HYCC2: variants seen among roughly 807,000 people sequenced by gnomAD.
HYCC2 encodes hyccin PI4KA lipid kinase complex subunit 2.
the HYCC2 span, among the ~76,000 whole-genome samples, chr2:201,040,764 C>A: frequency 6.6e-6 from 1 of 152,150 alleles, no homozygotes; most frequent in Non-Finnish European, 1.5e-5. Context: ...TGATTACAGG[C>A]GTGAGCCACT....
chr2:201,021,068 T>C, the HYCC2 span, among the ~76,000 whole-genome samples: 1 of 152,156 alleles, frequency 6.6e-6, no homozygotes, highest in African/African-American at 2.4e-5. Flanking sequence ...CGCCGGCAAC[T>C]ATTTTAAGTT....
the HYCC2 span, chr2:201,063,360 C>T: frequency 0.17 from 260,742 of 1,572,288 alleles, 24,543 homozygotes; most frequent in African/African-American, 0.38. Context: ...AGAGCTGTCT[C>T]GAGAGAAGAT....
the HYCC2 span, among the ~76,000 whole-genome samples, chr2:201,027,513 A>G: frequency 5.3e-5 from 8 of 152,194 alleles, no homozygotes; most frequent in African/African-American, 1.9e-4. Flanking sequence ...CACAACAAAA[A>G]AAGAGAATTT....
the HYCC2 span, among the ~76,000 whole-genome samples, chr2:201,062,377 G>A: frequency 9.0e-3 from 1,364 of 151,350 alleles, 18 homozygotes; most frequent in African/African-American, 0.025. Flanking sequence ...GGCCGGGCGC[G>A]GTGGCTCACA....
the HYCC2 span, among the ~76,000 whole-genome samples, chr2:201,018,768 C>A: frequency 6.6e-6 from 1 of 152,102 alleles, no homozygotes; most frequent in African/African-American, 2.4e-5. Context: ...GAGTTTGAGG[C>A]TGCATTGAAC....
chr2:201,055,080 C>A, the HYCC2 span, among the ~76,000 whole-genome samples: 1 of 152,088 alleles, frequency 6.6e-6, no homozygotes, highest in Non-Finnish European at 1.5e-5. Context: ...GCATTTTTAA[C>A]CTCTAAAAGT....
At chr2:201,025,263 G>T in the HYCC2 span, among the ~76,000 whole-genome samples, 4 of 152,114 alleles carry the variant, frequency 2.6e-5, no homozygotes, top group East Asian at 7.7e-4. Context: ...GCTAAAAAGG[G>T]ATTCCGTAAG....
the HYCC2 span, chr2:200,980,237 T>C: frequency 6.6e-6 from 1 of 152,592 alleles, no homozygotes; most frequent in East Asian, 1.9e-4. Context: ...GTTTCTCTTA[T>C]AGTCTGACAT....
At chr2:201,061,932 T>G in the HYCC2 span, among the ~76,000 whole-genome samples, 1 of 151,650 alleles carries the variant, frequency 6.6e-6, no homozygotes, top group Non-Finnish European at 1.5e-5. Context: ...AAAGCAAGAC[T>G]TCGTCTCTAT....
At chr2:201,063,648 C>A in the HYCC2 span, 3 of 1,573,890 alleles carry the variant, frequency 1.9e-6, no homozygotes, top group Non-Finnish European at 2.6e-6. Context: ...CAAGAGATGA[C>A]TAGTGCTTCA....
At chr2:201,070,973 C>A in the HYCC2 span, among the ~76,000 whole-genome samples, 2 of 152,184 alleles carry the variant, frequency 1.3e-5, no homozygotes, top group Non-Finnish European at 2.9e-5. Flanking sequence ...ATCCTCCATG[C>A]TACCACCCTT....
At chr2:201,038,600 G>A in the HYCC2 span, among the ~76,000 whole-genome samples, 1,723 of 152,238 alleles carry the variant, frequency 0.011, 17 homozygotes, top group Non-Finnish European at 0.017. Context: ...GTAGGGACAT[G>A]GAAGAAGCTG....
the HYCC2 span, among the ~76,000 whole-genome samples, chr2:201,042,298 G>C: frequency 6.6e-6 from 1 of 152,194 alleles, no homozygotes. Context: ...CGTGATCTCG[G>C]ATCGCTACAA....
chr2:201,063,420 G>A, the HYCC2 span: 4 of 1,589,706 alleles, frequency 2.5e-6, no homozygotes, highest in South Asian at 4.4e-5. Flanking sequence ...TTTGTTGGTG[G>A]CATTAAAGAA....
At chr2:201,066,025 CT>C in the HYCC2 span, among the ~76,000 whole-genome samples, 2 of 152,082 alleles carry the variant, frequency 1.3e-5, no homozygotes, top group Admixed American at 1.3e-4. Flanking sequence ...CTGTAAAATA[CT>C]GCAAATTCAA....
chr2:201,009,649 G>A, the HYCC2 span, among the ~76,000 whole-genome samples: 2 of 151,944 alleles, frequency 1.3e-5, no homozygotes, highest in African/African-American at 2.4e-5. Context: ...TAGTAGAGAC[G>A]CGGTTTCGCC....
At chr2:201,039,960 G>A in the HYCC2 span, among the ~76,000 whole-genome samples, 1 of 152,086 alleles carries the variant, frequency 6.6e-6, no homozygotes, top group East Asian at 1.9e-4. Context: ...AGATCACAAG[G>A]TCAGGAGATC....
the HYCC2 span, among the ~76,000 whole-genome samples, chr2:201,059,950 T>C: frequency 6.8e-6 from 1 of 147,116 alleles, no homozygotes; most frequent in Non-Finnish European, 1.5e-5. Context: ...GAGGCTGAGG[T>C]GGAGAATCAC....
chr2:201,029,775 G>A, the HYCC2 span, among the ~76,000 whole-genome samples: 1 of 152,100 alleles, frequency 6.6e-6, no homozygotes, highest in South Asian at 2.1e-4. Context: ...ACCAGGGCCT[G>A]TCATGAGGTG....
Sources: allele counts gnomAD v4.1 joint callset (sites outside exome capture counted in the v4.1 genomes callset), GRCh38; gene constraint gnomAD v4.1.1; transcripts MANE v1.5; gene names NCBI Gene and HGNC (gene_info 2026-07-23, HGNC 2026-07-21).